TCOF1: variants seen among roughly 807,000 people sequenced by gnomAD.
The protein encoded by TCOF1 is treacle protein.
A neutral mutation model predicts 149.0 loss-of-function variants in TCOF1; 33 were observed. That is an observed-to-expected ratio of 0.22 (90% CI 0.17 to 0.30). TCOF1 has a LOEUF of 0.30. Among genes scored for constraint, TCOF1 ranks in the 10% least tolerant of loss-of-function variants. TCOF1 has a pLI of 1.00. For missense variants in TCOF1, 1,728 were observed against 1,840.7 expected, an observed-to-expected ratio of 0.94 and a Z score of 1.12; for synonymous variants, 789 against 738.8, an observed-to-expected ratio of 1.07 and a Z score of -1.10.
Position 150,371,989 on chromosome 5 carries a change from C to T in TCOF1, c.640-17C>T, listed in dbSNP as rs773806617. On this transcript the variant is annotated splice_polypyrimidine_tract_variant and intron_variant, in intron 6 of 26. Transcript: ENST00000643257. The stretch of plus-strand genomic sequence containing the variant: ...AGTAATTATTATTCATTTTCTAATT[C>T]CATCCTCTTGTTCCAGGGGAAACCC... The T allele has an allele frequency of 5.0e-6, 8 of 1,603,740 alleles. No homozygotes were observed. Among genetic ancestry groups the T allele is most frequent in the East Asian group, 2.2e-5 (1 of 44,814 alleles).
chr5:150,383,014 A>G (rs1765541404), intron 17 of TCOF1: 4 of 1,441,520 alleles, frequency 2.8e-6, no homozygotes, highest in Non-Finnish European at 3.7e-6. Flanking sequence ...CCCCTCAGCA[A>G]ATGCCCCACT....
intron 6 of TCOF1, 112 bp downstream of exon 6, chr5:150,369,714 G>C: frequency 8.4e-7 from 1 of 1,195,002 alleles, no homozygotes; most frequent in Non-Finnish European, 1.2e-6. Flanking sequence ...AACTGTGGTA[G>C]GGTGACCAGG....
intron 6 of TCOF1, among the ~76,000 whole-genome samples, chr5:150,370,626 G>A (rs771742836): frequency 1.3e-5 from 2 of 152,278 alleles, no homozygotes; most frequent in Admixed American, 1.3e-4. Flanking sequence ...AAAGTGCTGG[G>A]ATTACAGGCA....
chr5:150,372,138 C>T lies in TCOF1; in HGVS notation c.772C>T (p.Pro258Ser), dbSNP rs1039544056. 17 of 1,614,078 alleles carry T rather than the reference C, an allele frequency of 1.1e-5. No individual in the cohort carries two copies. Among genetic ancestry groups the T allele is most frequent in the African/African-American group, 2.7e-5 (2 of 74,932 alleles). Residue 258 changes from proline (P) to serine (S), a missense_variant, in exon 7 of 27, where the codon CCC becomes TCC. Physicochemically the swap from Pro to Ser is moderately conservative, Grantham distance 74 (BLOSUM62 -1). Transcript: ENST00000643257. ...VTPQVKGGAL[P>S]PAKRAKKPEE... ...ACCCCAGGTCAAAGGAGGGGCCCTG[C>T]CCCCAGCCAAGAGGGCCAAGAAGCC...
intron 3 of TCOF1, 138 bp from the exon 4 acceptor site, chr5:150,367,706 C>T: frequency 1.1e-6 from 1 of 944,676 alleles, no homozygotes. Flanking sequence ...TCCTGCAAGT[C>T]TGGGCTCAGC....
At chr5:150,363,808 G>T (rs1441860531) in intron 2 of TCOF1, among the ~76,000 whole-genome samples, 2 of 152,208 alleles carry the variant, frequency 1.3e-5, no homozygotes, top group African/African-American at 4.8e-5. Flanking sequence ...AGCCTGGGCG[G>T]TTCTGTGAGG....
rs1216347183 is a variant in TCOF1 at position 150,399,056 on chromosome 5, C to A, written c.*8C>A. The stretch of plus-strand genomic sequence containing the variant: ...GCAGAGCAGACTGTATGACGAGCAC[C>A]AGCACCAGGCACAGGTACGCTTCCC... On this transcript the variant is annotated 3_prime_UTR_variant, in exon 26 of 27. Coordinates refer to ENST00000643257, the MANE Select transcript of TCOF1 (RefSeq NM_001371623.1). 6.2e-7 allele frequency: 1 copy of A among 1,614,250 alleles called. No homozygotes were observed. The highest frequency in any genetic ancestry group is 8.5e-7 in the Non-Finnish European group (1 of 1,180,038).
At position 150,379,345 on chromosome 5, in the gene TCOF1, G is replaced by A; in HGVS notation, c.2595G>A (p.Glu865=). ...CAGCTCAGGCCCAGACAGGGCCAGA[G>A]GAGGACTCAGGGAGCAGTGAGGAGG... The part of the protein sequence containing the change: ...ATAAQAQTGP[E]EDSGSSEEES... Residue 865 remains glutamate (E), a synonymous_variant, in exon 16 of 27, where the codon GAG becomes GAA. Transcript: ENST00000643257. 6.2e-7 allele frequency: 1 copy of A among 1,614,244 alleles called. No homozygotes were observed. The highest frequency in any genetic ancestry group is 8.5e-7 in the Non-Finnish European group (1 of 1,180,040).
At position 150,392,976 on chromosome 5, in the gene TCOF1, G is replaced by A. The variant is rs187776107; in HGVS notation, c.3603+186G>A. On this transcript the variant is annotated intron_variant, in intron 22 of 26. Transcript: ENST00000643257. The stretch of plus-strand genomic sequence containing the variant: ...AGCAGACCACAGCCAGGCTGCCTCC[G>A]TCCCCTCATAGAGCCCTGAGTAGCT... 340 of 715,946 alleles carry A rather than the reference G, an allele frequency of 4.7e-4. 2 individuals carry two copies. Among genetic ancestry groups the A allele is most frequent in the African/African-American group, 3.4e-3 (195 of 57,428 alleles). The allele number at this position is 715,946 out of a possible 1,614,324, so 44.3% of individuals were successfully genotyped here. A position where few individuals can be genotyped will look rare whatever the true frequency, so the allele number is the denominator to read the frequency against.
At chr5:150,360,545 A>G (rs1240928176) in intron 1 of TCOF1, among the ~76,000 whole-genome samples, 21 of 152,162 alleles carry the variant, frequency 1.4e-4, no homozygotes, top group Non-Finnish European at 1.2e-4. Context: ...CATGGCCTCT[A>G]GGCATGGATA....
intron 19 of TCOF1, among the ~76,000 whole-genome samples, chr5:150,390,537 G>T (rs975700800): frequency 3.9e-5 from 6 of 152,182 alleles, no homozygotes; most frequent in African/African-American, 1.4e-4. Context: ...CATTCAGCAA[G>T]GCCGGAACCC....
Position 150,400,250 on chromosome 5 carries a change from T to G in TCOF1, c.*463T>G, listed in dbSNP as rs1769496231. 1 of 151,636 alleles carries G rather than the reference T, an allele frequency of 6.6e-6. No individual in the cohort carries two copies. Among genetic ancestry groups the G allele is most frequent in the South Asian group, 2.1e-4 (1 of 4,810 alleles). 9.4% of individuals were successfully genotyped at this position (151,636 alleles called of 1,614,324 possible). A position where few individuals can be genotyped will look rare whatever the true frequency, so the allele number is the denominator to read the frequency against. ...CTTTTGGTTGTGTTTTTTGTTTTTT[T>G]TTTAATAACTCAAAAAAAAAATAAA... On this transcript the variant is annotated 3_prime_UTR_variant, in exon 27 of 27. Coordinates refer to ENST00000643257, the MANE Select transcript of TCOF1 (RefSeq NM_001371623.1).
intron 6 of TCOF1, 149 bp downstream of exon 6, chr5:150,369,751 G>A: frequency 2.3e-6 from 2 of 882,382 alleles, no homozygotes; most frequent in South Asian, 1.4e-5. Flanking sequence ...GCCGGAGAGG[G>A]GCAGGGAGAG....
intron 18 of TCOF1, 115 bp from the exon 19 acceptor site, chr5:150,389,772 G>T (rs1767031578): frequency 2.5e-6 from 4 of 1,579,190 alleles, no homozygotes; most frequent in Non-Finnish European, 3.5e-6. Flanking sequence ...ACCTCTGTAA[G>T]CCCTGAGCAC....
At chr5:150,387,518 GTT>G (rs1247899466) in intron 17 of TCOF1, among the ~76,000 whole-genome samples, 6 of 151,124 alleles carry the variant, frequency 4.0e-5, no homozygotes, top group Non-Finnish European at 7.4e-5. Context: ...GCAAGTAACT[GTT>G]TCTGAAGCCA....
intron 14 of TCOF1, 147 bp downstream of exon 14, chr5:150,376,767 C>A: frequency 2.4e-6 from 2 of 818,422 alleles, no homozygotes; most frequent in Non-Finnish European, 4.1e-6. Context: ...CTATCTTTCA[C>A]TCCATGTCTC....
chr5:150,361,341 A>G, intron 2 of TCOF1, 130 bp downstream of exon 2: 1 of 1,048,992 alleles, frequency 9.5e-7, no homozygotes, highest in Non-Finnish European at 1.5e-6. Flanking sequence ...TGTTGCCTCC[A>G]GAAAGCCAGC....
chr5:150,393,782 G>A, intron 23 of TCOF1: 1 of 572,658 alleles, frequency 1.7e-6, no homozygotes, highest in Non-Finnish European at 3.1e-6. Flanking sequence ...GGGAGGCCGA[G>A]GTGGGCAGAT....
Position 150,396,589 on chromosome 5 carries a change from G to A in TCOF1, c.4092G>A (p.Lys1364=). The part of the protein sequence containing the change: ...QPAARTPRSK[K]KKKLGAGEGG... ...CTGCCAGGACCCCCAGGAGCAAGAA[G>A]AAGAAGAAGCTGGGGGCCGGGGAAG... Residue 1364 remains lysine, a synonymous_variant, in exon 24 of 27, where the codon AAG becomes AAA. Coordinates refer to ENST00000643257, the MANE Select transcript of TCOF1 (RefSeq NM_001371623.1). 1 of 1,582,884 alleles carries A rather than the reference G, an allele frequency of 6.3e-7. No homozygotes were observed. Among genetic ancestry groups the A allele is most frequent in the Non-Finnish European group, 8.6e-7 (1 of 1,163,866 alleles).
Sources: allele counts gnomAD v4.1 joint callset (sites outside exome capture counted in the v4.1 genomes callset), GRCh38; gene constraint gnomAD v4.1.1; transcripts MANE v1.5; gene names NCBI Gene and HGNC (gene_info 2026-07-23, HGNC 2026-07-21).